The following NAA15 variants were observed in gnomAD, a reference collection of about 807,000 sequenced individuals.
NAA15 encodes N-terminal acetyltransferase.
NAA15 carries 34 observed loss-of-function variants against 114.0 expected under a neutral mutation model. The observed-to-expected ratio is 0.30, with a 90% CI of 0.23 to 0.40. The LOEUF (loss-of-function observed/expected upper bound fraction) is 0.40, where lower values mean the gene tolerates loss of function less well. Among genes scored for constraint, NAA15 ranks in the 10% least tolerant of loss-of-function variants. NAA15 has a pLI of 1.00. For missense variants in NAA15, 658 were observed against 1,004.5 expected, an observed-to-expected ratio of 0.66 and a Z score of 4.66; for synonymous variants, 340 against 338.0, an observed-to-expected ratio of 1.01 and a Z score of -0.06.
At chr4:139,327,318 C>G (rs1250608052) in intron 1 of NAA15, among the ~76,000 whole-genome samples, 1 of 152,188 alleles carries the variant, frequency 6.6e-6, no homozygotes, top group African/African-American at 2.4e-5. Context: ...GGTGCAATTT[C>G]TGCTCACCAC....
chr4:139,346,540 T>G (rs1747588022), intron 6 of NAA15, among the ~76,000 whole-genome samples: 1 of 147,008 alleles, frequency 6.8e-6, no homozygotes, highest in African/African-American at 2.6e-5. Flanking sequence ...TGGGCACAGT[T>G]AGGCAAAAAA....
intron 1 of NAA15, among the ~76,000 whole-genome samples, chr4:139,326,634 G>T (rs1746811676): frequency 6.6e-6 from 1 of 152,098 alleles, no homozygotes; most frequent in Non-Finnish European, 1.5e-5. Flanking sequence ...TAGTGTTTCT[G>T]TTATATAAAA....
At chr4:139,321,591 C>T (rs918431425) in intron 1 of NAA15, among the ~76,000 whole-genome samples, 19 of 141,302 alleles carry the variant, frequency 1.3e-4, no homozygotes, top group African/African-American at 4.1e-4. Context: ...CCTGCCTCAG[C>T]CTCCCGAGTA....
intron 2 of NAA15, 89 bp downstream of exon 2, chr4:139,334,347 A>G: frequency 1.3e-6 from 1 of 759,280 alleles, no homozygotes; most frequent in Non-Finnish European, 2.1e-6. Flanking sequence ...ACTGTTTTCC[A>G]GAGAGAACAG....
At chr4:139,302,358 C>G (rs1468154380) in intron 1 of NAA15, 1 of 153,830 alleles carries the variant, frequency 6.5e-6, no homozygotes, top group Non-Finnish European at 1.4e-5. Context: ...CACCCAATGA[C>G]CTGAGAGGAG....
At chr4:139,328,447 A>T (rs1240158544) in intron 1 of NAA15, among the ~76,000 whole-genome samples, 1 of 152,040 alleles carries the variant, frequency 6.6e-6, no homozygotes, top group Admixed American at 6.6e-5. Flanking sequence ...ACCTCAAGTG[A>T]TCTGCCTGCT....
chr4:139,357,398 A>G lies in NAA15; in HGVS notation c.1100A>G (p.Glu367Gly). ...RLFNPNDDGK[E>G]EPPTTLLWVQ... ...CTCTTCTCCTAAGATGATGGAAAGG[A>G]GGAACCACCAACCACATTACTTTGG... is the stretch of plus-strand genomic sequence containing the variant. The change falls in exon 11 of 20, where the codon GAG becomes GGG. Residue 367 changes from glutamate (E) to glycine (G), a missense_variant. By Grantham distance (98) the Glu-to-Gly change is moderately conservative. Transcript: ENST00000296543. 6.2e-7 allele frequency: 1 copy of G among 1,613,712 alleles called. No individual in the cohort carries two copies. The highest frequency in any genetic ancestry group is 2.2e-5 in the East Asian group (1 of 44,816).
intron 1 of NAA15, among the ~76,000 whole-genome samples, chr4:139,315,001 T>TTCAGTTCAGGTGAGGTTAGG (rs1181192026): frequency 4.0e-5 from 3 of 74,354 alleles, no homozygotes; most frequent in Non-Finnish European, 7.6e-5. Context: ...TTCAGTTCAG[T>TTCAGTTCAGGTGAGGTTAGG]TTAGTTTAGG....
chr4:139,378,659 G>A lies in NAA15; in HGVS notation c.2057-97G>A, dbSNP rs550793131. 5.1e-5 allele frequency: 31 copies of A among 611,070 alleles called. No homozygotes were observed. In the African/African-American group the frequency reaches 5.2e-4, roughly 10 times the overall value. The allele number at this position is 611,070 out of a possible 1,614,324, so 37.9% of individuals were successfully genotyped here. ...GTATGTTTGTGGTTCTGATGTGATC[G>A]ACTCTAAATTTACTTTTTCTATTTG... On this transcript the variant is annotated intron_variant, in intron 16 of 19. Transcript: ENST00000296543.
intron 1 of NAA15, 64 bp from the exon 2 acceptor site, chr4:139,334,110 G>A: frequency 1.1e-6 from 1 of 941,742 alleles, no homozygotes; most frequent in Admixed American, 2.2e-5. Flanking sequence ...GAGAAATTTA[G>A]CGTTGAATTT....
chr4:139,332,948 G>A (rs781574934), intron 1 of NAA15, among the ~76,000 whole-genome samples: 51 of 152,160 alleles, frequency 3.4e-4, no homozygotes, highest in Middle Eastern at 6.8e-3. Context: ...GATCTCCCTT[G>A]GGTACCAAAA....
rs777683679 is a variant in NAA15, at chr4:139,370,187, TATTA to T, written c.1754-18_1754-15del. ...ATCTGATTAACATGCTTGTTAATTT[TATTA>T]ATTAACTTATTGCCTGCAGCAAACA... On this transcript the variant is annotated intron_variant, in intron 14 of 19. Transcript: ENST00000296543. 10 of 1,460,040 alleles carry T rather than the reference TATTA, an allele frequency of 6.8e-6. No individual in the cohort carries two copies. In the East Asian group the frequency reaches 9.6e-5, roughly 14 times the overall value. The allele number at this position is 1,460,040 out of a possible 1,614,324, so 90.4% of individuals were successfully genotyped here. A position where few individuals can be genotyped will look rare whatever the true frequency, so the allele number is the denominator to read the frequency against.
At chr4:139,340,810 C>A in intron 3 of NAA15, 102 bp from the exon 4 acceptor site, 1 of 870,236 alleles carries the variant, frequency 1.1e-6, no homozygotes, top group African/African-American at 1.8e-5. Flanking sequence ...TCTTTTTAAG[C>A]TTGTAGTTTT....
At chr4:139,379,779 C>T (rs12649474) in intron 17 of NAA15, among the ~76,000 whole-genome samples, 8,322 of 152,212 alleles carry the variant, frequency 0.055, 257 homozygotes, top group East Asian at 0.1. Flanking sequence ...TGGAGTGGCT[C>T]ACACCTGTAA....
intron 10 of NAA15, among the ~76,000 whole-genome samples, chr4:139,355,997 C>T (rs1254112109): frequency 1.3e-5 from 2 of 152,122 alleles, no homozygotes; most frequent in African/African-American, 2.4e-5. Context: ...TCTCCCCACT[C>T]CCTCCTTTTT....
intron 2 of NAA15, among the ~76,000 whole-genome samples, chr4:139,336,518 A>T (rs1747205472): frequency 6.6e-6 from 1 of 152,074 alleles, no homozygotes; most frequent in Non-Finnish European, 1.5e-5. Context: ...AATGAAGTAG[A>T]TATGTAAGGT....
intron 15 of NAA15, among the ~76,000 whole-genome samples, chr4:139,374,748 C>T (rs886698068): frequency 6.6e-6 from 1 of 151,766 alleles, no homozygotes; most frequent in Non-Finnish European, 1.5e-5. Context: ...TTAGATTTAC[C>T]CTGACAAAGT....
Position 139,301,823 on chromosome 4 carries a change from C to A in NAA15, c.46C>A (p.Arg16=). ...LPPKENALFK[R]ILRCYEHKQY... ...GCCCAAGGAGAATGCGCTCTTCAAG[C>A]GGATCTTGGTAAGTGTGAGGCTCCG... Residue 16 remains arginine (R), a synonymous_variant, in exon 1 of 20, where the codon CGG becomes AGG. Transcript: ENST00000296543. The A allele has an allele frequency of 2.5e-6, 4 of 1,593,700 alleles. No individual in the cohort carries two copies. The highest frequency in any genetic ancestry group is 3.4e-6 in the Non-Finnish European group (4 of 1,169,940).
intron 11 of NAA15, 85 bp downstream of exon 11, chr4:139,357,640 G>A (rs1747999573): frequency 2.3e-6 from 2 of 873,388 alleles, no homozygotes. Context: ...TCTAAATATA[G>A]GAAAAGTGAC....
Sources: allele counts gnomAD v4.1 joint callset (sites outside exome capture counted in the v4.1 genomes callset), GRCh38; gene constraint gnomAD v4.1.1; transcripts MANE v1.5; gene names NCBI Gene and HGNC (gene_info 2026-07-23, HGNC 2026-07-21).